C10orf90: variants seen among roughly 807,000 people sequenced by gnomAD.
The protein encoded by C10orf90 is (E2-independent) E3 ubiquitin-conjugating enzyme FATS.
Under a neutral mutation model 62.5 loss-of-function variants are expected in C10orf90, and 56 were observed. The observed-to-expected ratio is 0.90, with a 90% CI of 0.72 to 1.12. C10orf90 has a LOEUF of 1.12. Among genes scored for constraint, C10orf90 ranks in the 50% most tolerant of loss-of-function variants. The pLI is 0.00. For missense variants in C10orf90, 970 were observed against 880.4 expected (o/e 1.10, Z -1.29); for synonymous variants, 386 against 340.4 (o/e 1.13, Z -1.47).
At chr10:126,648,952 G>A (rs1185870067) in intron 1 of C10orf90, among the ~76,000 whole-genome samples, 1 of 151,842 alleles carries the variant, frequency 6.6e-6, no homozygotes, top group Non-Finnish European at 1.5e-5. Flanking sequence ...TTAGTCAAGA[G>A]CCCCAGCCTT....
intron 7 of C10orf90, among the ~76,000 whole-genome samples, chr10:126,458,224 A>G (rs983692639): frequency 3.3e-5 from 5 of 152,168 alleles, no homozygotes; most frequent in African/African-American, 1.2e-4. Flanking sequence ...TTTCCCCAAA[A>G]GACTTTTATT....
At chr10:126,515,322 C>T (rs908904133) in intron 2 of C10orf90, among the ~76,000 whole-genome samples, 12 of 152,210 alleles carry the variant, frequency 7.9e-5, no homozygotes, top group Non-Finnish European at 2.9e-5. Flanking sequence ...CCCATTCACT[C>T]ACCACTCACT....
In C10orf90 at chr10:126,648,699, C is replaced by T. The variant is rs144041172; in HGVS notation, c.241-2062G>A. ...GAAGCAGCAAGTTATCTCTCCACTG[C>T]TTCACACCAATCAGGTAGATCTGGA... is the stretch of plus-strand genomic sequence containing the variant. On this transcript the variant is annotated intron_variant, in intron 1 of 9. Coordinates refer to ENST00000488181, the MANE Select transcript of C10orf90 (RefSeq NM_001350921.2). Among the ~76,000 whole-genome samples, 26 of 152,310 alleles carry T rather than the reference C, an allele frequency of 1.7e-4. No individual in the cohort carries two copies. The East Asian group carries it at 5.0e-3, about 29-fold the overall frequency.
chr10:126,573,195 C>T (rs538663593), intron 2 of C10orf90, among the ~76,000 whole-genome samples: 2 of 152,042 alleles, frequency 1.3e-5, no homozygotes, highest in African/African-American at 2.4e-5. Flanking sequence ...GGGTCGTGAT[C>T]GATTGAGCAA....
rs148389424 is a variant in C10orf90 at position 126,628,932 on chromosome 10, C to T, written c.313+17633G>A. The stretch of plus-strand genomic sequence containing the variant: ...ACACACTGCTATCATGGGTGCCCAC[C>T]GCTGTGTAGACACTTGCTCTACCCC... On this transcript the variant is annotated intron_variant, in intron 2 of 9. Transcript: ENST00000488181. Among the ~76,000 whole-genome samples, 531 of 152,306 alleles carry T rather than the reference C, an allele frequency of 3.5e-3. 3 individuals carry two copies. The highest frequency in any genetic ancestry group is 0.012 in the African/African-American group (499 of 41,578).
chr10:126,579,073 A>T (rs11245053), intron 2 of C10orf90, among the ~76,000 whole-genome samples: 85,060 of 148,846 alleles, frequency 0.57, 24,141 homozygotes, highest in Middle Eastern at 0.63. Context: ...TTTTTTTTTA[A>T]AAAAAAAAAC....
chr10:126,617,658 C>T (rs1167709915), intron 2 of C10orf90, among the ~76,000 whole-genome samples: 1 of 152,250 alleles, frequency 6.6e-6, no homozygotes, highest in Admixed American at 6.5e-5. Flanking sequence ...GCTGGAATAA[C>T]TTCCAAGGTC....
At chr10:126,476,849 T>C (rs1435034357) in intron 4 of C10orf90, among the ~76,000 whole-genome samples, 4 of 151,972 alleles carry the variant, frequency 2.6e-5, no homozygotes, top group Non-Finnish European at 4.4e-5. Flanking sequence ...GAAAAGCACT[T>C]CCTTTACACC....
intron 1 of C10orf90, among the ~76,000 whole-genome samples, chr10:126,648,458 A>G (rs1846214568): frequency 6.6e-6 from 1 of 152,212 alleles, no homozygotes; most frequent in African/African-American, 2.4e-5. Flanking sequence ...TAGCAGCACA[A>G]AGAAGACTAA....
At chr10:126,562,517 G>A (rs1369256355) in intron 2 of C10orf90, among the ~76,000 whole-genome samples, 1 of 152,180 alleles carries the variant, frequency 6.6e-6, no homozygotes, top group East Asian at 1.9e-4. Context: ...ATTGCTACCT[G>A]TGGCACCCTG....
intron 2 of C10orf90, among the ~76,000 whole-genome samples, chr10:126,556,164 C>G (rs747221768): frequency 2.6e-5 from 4 of 152,272 alleles, no homozygotes; most frequent in African/African-American, 9.6e-5. Context: ...CCAAAATGGC[C>G]GGGGTTGAGT....
intron 2 of C10orf90, among the ~76,000 whole-genome samples, chr10:126,531,610 C>A (rs902776737): frequency 6.6e-6 from 1 of 152,134 alleles, no homozygotes; most frequent in Non-Finnish European, 1.5e-5. Flanking sequence ...TCAACTCTTA[C>A]CTCAAATGCT....
At chr10:126,629,462 A>G (rs974817532) in intron 2 of C10orf90, among the ~76,000 whole-genome samples, 2 of 152,190 alleles carry the variant, frequency 1.3e-5, no homozygotes, top group Non-Finnish European at 2.9e-5. Flanking sequence ...GCACATCTCA[A>G]TTATCAAGAA....
At chr10:126,622,956 C>T (rs955410670) in intron 2 of C10orf90, among the ~76,000 whole-genome samples, 5 of 152,336 alleles carry the variant, frequency 3.3e-5, no homozygotes, top group Middle Eastern at 3.4e-3. Context: ...TATTGGAAAG[C>T]TTCGCACGAA....
At chr10:126,543,040 G>T (rs989216230) in intron 2 of C10orf90, among the ~76,000 whole-genome samples, 3 of 152,202 alleles carry the variant, frequency 2.0e-5, no homozygotes, top group Admixed American at 2.0e-4. Context: ...AGTAAACAAT[G>T]AATTGGTCTC....
At chr10:126,590,114 G>A (rs1844950421) in intron 2 of C10orf90, among the ~76,000 whole-genome samples, 1 of 152,122 alleles carries the variant, frequency 6.6e-6, no homozygotes, top group Non-Finnish European at 1.5e-5. Context: ...TTACATAATG[G>A]TAAAGTGTTC....
intron 1 of C10orf90, among the ~76,000 whole-genome samples, chr10:126,665,195 C>G (rs1044856039): frequency 2.6e-5 from 4 of 152,132 alleles, no homozygotes; most frequent in Admixed American, 1.3e-4. Flanking sequence ...GTAGAGTCTT[C>G]ACTGCAGTCA....
chr10:126,668,692 T>C (rs960736818), intron 1 of C10orf90, among the ~76,000 whole-genome samples: 4 of 152,090 alleles, frequency 2.6e-5, no homozygotes, highest in African/African-American at 4.8e-5. Flanking sequence ...CCTGGACAAC[T>C]TGGGGAGTCA....
At position 126,580,242 on chromosome 10, in the gene C10orf90, T is replaced by C. The variant is rs577477526; in HGVS notation, c.314-66303A>G. ...CCTAACGACATGCCCTGGCTGTCTCTCTTCTGAGACCTGGATAGTCAACTC... is the reference window on the plus strand; with the variant it reads ...CCTAACGACATGCCCTGGCTGTCTCCCTTCTGAGACCTGGATAGTCAACTC... On this transcript the variant is annotated intron_variant, in intron 2 of 9. Coordinates refer to ENST00000488181, the MANE Select transcript of C10orf90 (RefSeq NM_001350921.2). Among the ~76,000 whole-genome samples, 5 of 152,340 alleles carry C rather than the reference T, an allele frequency of 3.3e-5. No homozygotes were observed. The South Asian group carries it at 1.0e-3, about 32-fold the overall frequency.
Sources: allele counts gnomAD v4.1 joint callset (sites outside exome capture counted in the v4.1 genomes callset), GRCh38; gene constraint gnomAD v4.1.1; transcripts MANE v1.5; gene names NCBI Gene and HGNC (gene_info 2026-07-23, HGNC 2026-07-21).